XKR6: variants seen among roughly 807,000 people sequenced by gnomAD.
XKR6 encodes the protein XK-related protein 6.
A neutral mutation model predicts 56.7 loss-of-function variants in XKR6; 22 were observed. The observed-to-expected ratio is 0.39, with a 90% confidence interval of 0.28 to 0.55. The LOEUF (loss-of-function observed/expected upper bound fraction) is 0.55, where lower values mean the gene tolerates loss of function less well. Among genes scored for constraint, XKR6 ranks in the 20% least tolerant of loss-of-function variants. The pLI is 0.66. For missense variants in XKR6, 852 were observed against 889.0 expected, an observed-to-expected ratio of 0.96 and a Z score of 0.53; for synonymous variants, 524 against 387.8, an observed-to-expected ratio of 1.35 and a Z score of -4.13.
intron 1 of XKR6, among the ~76,000 whole-genome samples, chr8:11,120,207 A>G (rs560165543): frequency 6.6e-6 from 1 of 152,334 alleles, no homozygotes; most frequent in South Asian, 2.1e-4. Context: ...AGCAGAAGGA[A>G]ATAAAGGGCA....
chr8:11,140,423 C>G (rs1312465138), intron 1 of XKR6, among the ~76,000 whole-genome samples: 1 of 152,150 alleles, frequency 6.6e-6, no homozygotes, highest in African/African-American at 2.4e-5. Context: ...ACATGACTTA[C>G]AGAGGGAAAT....
chr8:10,937,668 T>C (rs549243316), intron 1 of XKR6, among the ~76,000 whole-genome samples: 143 of 148,828 alleles, frequency 9.6e-4, no homozygotes, highest in Non-Finnish European at 1.8e-3. Flanking sequence ...CCGTGTGAGG[T>C]GTCAGTGTGC....
intron 1 of XKR6, among the ~76,000 whole-genome samples, chr8:11,172,749 G>A (rs1171053202): frequency 6.6e-6 from 1 of 152,022 alleles, no homozygotes; most frequent in African/African-American, 2.4e-5. Flanking sequence ...TTTACTCCAT[G>A]GTTTTCTCCA....
intron 1 of XKR6, among the ~76,000 whole-genome samples, chr8:10,980,832 A>G (rs967540877): frequency 6.6e-6 from 1 of 152,114 alleles, no homozygotes; most frequent in Non-Finnish European, 1.5e-5. Context: ...GATCATGAAT[A>G]ATGGATTATG....
At chr8:11,114,727 A>ATGTGTGTGTGTGTGTGTGTGTGTG (rs58011023) in intron 1 of XKR6, among the ~76,000 whole-genome samples, 1 of 118,374 alleles carries the variant, frequency 8.4e-6, no homozygotes, top group Non-Finnish European at 2.1e-5. Flanking sequence ...TAGATCACAT[A>ATGTGTGTGTGTGTGTGTGTGTGTG]TGTGTGTGTG....
At position 11,200,904 on chromosome 8, in the gene XKR6, C is replaced by A; in HGVS notation, c.436G>T (p.Asp146Tyr). The change falls in exon 1 of 3, where the codon GAC becomes TAC. Residue 146 changes from aspartate (D) to tyrosine (Y), a missense_variant. Around this residue, in one of 4 missense-constraint regions of XKR6, gnomAD observed 417 missense variants for 355.2 expected, o/e 1.17. Coordinates refer to ENST00000416569, the MANE Select transcript of XKR6 (RefSeq NM_173683.4). The surrounding 1 kb of genome is among the most constrained non-coding windows in gnomAD (Gnocchi z 6.4). ...TAGTAGTCGAGGGCCAGCCACAGGTCGGTGCCCACGTCCCCGAAGAACACC... is the reference window on the plus strand; with the variant it reads ...TAGTAGTCGAGGGCCAGCCACAGGTAGGTGCCCACGTCCCCGAAGAACACC... ...LLVFFGDVGTDLWLALDYYRK... is the reference protein window; with the variant it reads ...LLVFFGDVGTYLWLALDYYRK... The A allele has an allele frequency of 6.2e-7, 1 of 1,610,000 alleles. No individual in the cohort carries two copies. The highest frequency in any genetic ancestry group is 8.5e-7 in the Non-Finnish European group (1 of 1,179,178).
At chr8:10,956,099 G>A (rs1314797189) in intron 1 of XKR6, among the ~76,000 whole-genome samples, 8 of 152,170 alleles carry the variant, frequency 5.3e-5, no homozygotes, top group African/African-American at 1.7e-4. Context: ...CCTAGCCTTC[G>A]TTTCTCCTGC....
intron 1 of XKR6, among the ~76,000 whole-genome samples, chr8:11,167,462 G>C (rs1016090960): frequency 6.6e-6 from 1 of 152,188 alleles, no homozygotes; most frequent in Admixed American, 6.5e-5. Context: ...ACTCATCCAG[G>C]CTGGAAGTGG....
chr8:11,076,100 T>C (rs1800267542), intron 1 of XKR6, among the ~76,000 whole-genome samples: 1 of 152,142 alleles, frequency 6.6e-6, no homozygotes, highest in African/African-American at 2.4e-5. Flanking sequence ...GATAGTATGC[T>C]GAAAGAAATG....
intron 1 of XKR6, among the ~76,000 whole-genome samples, chr8:11,068,612 C>A (rs1037274429): frequency 7.2e-5 from 11 of 152,202 alleles, no homozygotes; most frequent in African/African-American, 2.4e-4. Flanking sequence ...TCGGCAGGTC[C>A]TGGTGCCCAC....
intron 2 of XKR6, among the ~76,000 whole-genome samples, chr8:10,918,653 G>A (rs549270230): frequency 3.3e-4 from 51 of 152,294 alleles, no homozygotes; most frequent in African/African-American, 9.6e-4. Context: ...AGCTTGAGGC[G>A]TTGTGCATGG....
chr8:10,905,635 A>T (rs144718069), intron 2 of XKR6, among the ~76,000 whole-genome samples: 140 of 151,782 alleles, frequency 9.2e-4, no homozygotes, highest in African/African-American at 3.2e-3. Flanking sequence ...ATCAAGGACA[A>T]CATCTCCCTC....
At chr8:11,137,785 C>G (rs1430914216) in intron 1 of XKR6, 1 of 433,984 alleles carries the variant, frequency 2.3e-6, no homozygotes, top group Non-Finnish European at 4.6e-6. Context: ...TTACCATTTC[C>G]CCTTAAACCT....
At chr8:11,159,211 G>C (rs1801673217) in intron 1 of XKR6, among the ~76,000 whole-genome samples, 1 of 152,110 alleles carries the variant, frequency 6.6e-6, no homozygotes, top group South Asian at 2.1e-4. Context: ...CAATTCTTTG[G>C]GGTCTCAATG....
chr8:11,171,550 C>T (rs1480018644), intron 1 of XKR6, among the ~76,000 whole-genome samples: 3 of 152,140 alleles, frequency 2.0e-5, no homozygotes, highest in African/African-American at 7.2e-5. Context: ...TCTTAGTCCC[C>T]ACGGGAGCTG....
intron 1 of XKR6, among the ~76,000 whole-genome samples, chr8:11,171,988 G>C (rs962718524): frequency 4.0e-5 from 6 of 151,732 alleles, no homozygotes; most frequent in African/African-American, 1.5e-4. Context: ...GGGAGGCACA[G>C]TATGCAGTGA....
chr8:11,192,094 G>C (rs924957476), intron 1 of XKR6, among the ~76,000 whole-genome samples: 1 of 152,104 alleles, frequency 6.6e-6, no homozygotes, highest in Non-Finnish European at 1.5e-5. Flanking sequence ...AAGGCAGGAG[G>C]ACTGATTGAG....
At chr8:11,149,922 G>A (rs770797873) in intron 1 of XKR6, among the ~76,000 whole-genome samples, 11 of 152,200 alleles carry the variant, frequency 7.2e-5, no homozygotes, top group East Asian at 1.9e-4. Flanking sequence ...AAATCACGCC[G>A]TTTGCAGCGT....
At chr8:11,156,468 C>T (rs542025879) in intron 1 of XKR6, among the ~76,000 whole-genome samples, 1 of 152,292 alleles carries the variant, frequency 6.6e-6, no homozygotes, top group South Asian at 2.1e-4. Context: ...TAACTGAAAT[C>T]ATAAGAGTTT....
Sources: gnomAD v4.1 joint callset for allele counts (sites outside exome capture counted in the v4.1 genomes callset) on GRCh38, gnomAD v4.1.1 for gene constraint, gnomAD v4.1.1 regional missense constraint, Gnocchi (gnomAD v3.1) non-coding constraint, MANE v1.5 for transcripts, NCBI Gene and HGNC (gene_info 2026-07-23, HGNC 2026-07-21) for gene names.